DPH6: variants seen among roughly 807,000 people sequenced by gnomAD.
DPH6 encodes diphthine--ammonia ligase.
Under a neutral mutation model 38.2 loss-of-function variants are expected in DPH6, and 33 were observed. The ratio of observed to expected loss-of-function variants is 0.86; its 90% CI spans 0.65 to 1.15. The LOEUF (loss-of-function observed/expected upper bound fraction) is 1.15. Among genes scored for constraint, DPH6 ranks in the 50% most tolerant of loss-of-function variants. The probability of loss-of-function intolerance (pLI) is 0.00; values close to 1 mark genes in which losing one functional copy is unlikely to be tolerated. For missense variants in DPH6, 325 were observed against 320.0 expected (o/e 1.02, Z -0.12); for synonymous variants, 108 against 103.0 (o/e 1.05, Z -0.30).
intron 3 of DPH6, among the ~76,000 whole-genome samples, chr15:35,515,523 C>A (rs959808042): frequency 6.6e-6 from 1 of 151,922 alleles, no homozygotes; most frequent in East Asian, 1.9e-4. Flanking sequence ...AGATCAAGAC[C>A]ATCATGGCTA....
At chr15:35,375,542 T>G (rs891010593) in intron 7 of DPH6, among the ~76,000 whole-genome samples, 2 of 152,122 alleles carry the variant, frequency 1.3e-5, no homozygotes, top group African/African-American at 2.4e-5. Flanking sequence ...TGTCAGAATA[T>G]CCTCAGATTA....
intron 3 of DPH6, among the ~76,000 whole-genome samples, chr15:35,222,680 G>C (rs1337102844): frequency 6.6e-6 from 1 of 152,098 alleles, no homozygotes; most frequent in African/African-American, 2.4e-5. Flanking sequence ...CAGTGAATCT[G>C]CATTTTTACA....
At chr15:35,460,731 G>A (rs1048729854) in intron 3 of DPH6, among the ~76,000 whole-genome samples, 8 of 152,106 alleles carry the variant, frequency 5.3e-5, no homozygotes, top group Admixed American at 5.2e-4. Context: ...TAGACAAGCA[G>A]GCATCACAGG....
intron 3 of DPH6, chr15:35,298,720 C>G: frequency 7.6e-6 from 12 of 1,581,832 alleles, no homozygotes; most frequent in Non-Finnish European, 9.5e-6. Context: ...AGCCGTACTT[C>G]TGTATGATCT....
chr15:35,237,521 C>G, intron 3 of DPH6: 1 of 1,557,286 alleles, frequency 6.4e-7, no homozygotes, highest in African/African-American at 1.4e-5. Flanking sequence ...GTTAAACAAA[C>G]TTAAGAAGCT....
At chr15:35,423,635 T>C (rs1456009622) in intron 5 of DPH6, among the ~76,000 whole-genome samples, 1 of 151,786 alleles carries the variant, frequency 6.6e-6, no homozygotes, top group Non-Finnish European at 1.5e-5. Context: ...TGACAAGATT[T>C]TTTCCTTTGT....
chr15:35,496,066 G>A (rs1387077730), intron 3 of DPH6, among the ~76,000 whole-genome samples: 1 of 152,100 alleles, frequency 6.6e-6, no homozygotes, highest in Non-Finnish European at 1.5e-5. Flanking sequence ...TATCAAATGT[G>A]TAAGTAAACA....
intron 3 of DPH6, chr15:35,237,832 G>A: frequency 6.7e-7 from 1 of 1,492,004 alleles, no homozygotes; most frequent in Non-Finnish European, 9.2e-7. Flanking sequence ...GCCTGGAGGA[G>A]GAGGAGGAGG....
chr15:35,222,189 C>T (rs965959363), intron 3 of DPH6, among the ~76,000 whole-genome samples: 2 of 152,294 alleles, frequency 1.3e-5, no homozygotes, highest in Non-Finnish European at 2.9e-5. Flanking sequence ...CATGTAGAAA[C>T]AATTCAGCAG....
downstream of DPH6, among the ~76,000 whole-genome samples, chr15:35,326,440 AT>A (rs11440125): frequency 5.3e-5 from 8 of 150,444 alleles, no homozygotes; most frequent in South Asian, 2.1e-4. Flanking sequence ...TTTAAAAAGA[AT>A]TTTTTTTTTA....
chr15:35,470,295 C>T (rs887996322), intron 3 of DPH6, among the ~76,000 whole-genome samples: 5 of 152,016 alleles, frequency 3.3e-5, no homozygotes, highest in East Asian at 1.9e-4. Context: ...CTATCACAGA[C>T]GCCAAGGTCA....
chr15:35,213,878 C>T (rs113716313), downstream of DPH6, among the ~76,000 whole-genome samples: 5,057 of 152,152 alleles, frequency 0.033, 286 homozygotes, highest in African/African-American at 0.12. Context: ...TTTGGGAGGC[C>T]GAGGCGGGTG....
At chr15:35,265,903 A>G (rs1267618514) in intron 3 of DPH6, among the ~76,000 whole-genome samples, 2 of 152,178 alleles carry the variant, frequency 1.3e-5, no homozygotes, top group East Asian at 3.8e-4. Context: ...CAAAACACCT[A>G]AATTGCTTTG....
chr15:35,156,034 C>T, the DPH6 span, among the ~76,000 whole-genome samples: 2 of 152,114 alleles, frequency 1.3e-5, no homozygotes, highest in South Asian at 4.1e-4. Context: ...TGATGAAATT[C>T]ACATTTGAGA....
intron 3 of DPH6, among the ~76,000 whole-genome samples, chr15:35,507,630 G>A (rs1331394913): frequency 6.6e-6 from 1 of 152,008 alleles, no homozygotes; most frequent in Non-Finnish European, 1.5e-5. Flanking sequence ...TGTTAATACA[G>A]TACAATTCTG....
At chr15:35,264,792 G>A (rs1483433186) in intron 3 of DPH6, among the ~76,000 whole-genome samples, 1 of 152,132 alleles carries the variant, frequency 6.6e-6, no homozygotes, top group Non-Finnish European at 1.5e-5. Context: ...ATATGACATA[G>A]AACTATAATT....
chr15:35,289,034 C>T (rs1428471601), intron 3 of DPH6, among the ~76,000 whole-genome samples: 4 of 151,716 alleles, frequency 2.6e-5, no homozygotes, highest in Non-Finnish European at 4.4e-5. Context: ...GTATTTTTAC[C>T]GACTGTTGGA....
intron 3 of DPH6, among the ~76,000 whole-genome samples, chr15:35,350,302 G>C (rs1014918582): frequency 4.3e-5 from 6 of 140,886 alleles, no homozygotes; most frequent in African/African-American, 1.6e-4. Flanking sequence ...TTTCATTTCT[G>C]ATTTTTATTA....
chr15:35,411,830 A>T lies in DPH6; in HGVS notation c.506-934T>A, dbSNP rs190982355. On this transcript the variant is annotated intron_variant, in intron 5 of 8. Coordinates refer to ENST00000256538, the MANE Select transcript of DPH6 (RefSeq NM_080650.4). ...TCCACATGCAAAAAAATGGATCTAG[A>T]CACAGACTTTACACTCTTCACAAAA... Among the ~76,000 whole-genome samples, 51 of 151,868 alleles carry T rather than the reference A, an allele frequency of 3.4e-4. 1 individual carries two copies. Among genetic ancestry groups the T allele is most frequent in the Admixed American group, 2.0e-4 (3 of 15,218 alleles).
Sources: allele counts gnomAD v4.1 joint callset (sites outside exome capture counted in the v4.1 genomes callset), GRCh38; gene constraint gnomAD v4.1.1; transcripts MANE v1.5; gene names NCBI Gene and HGNC (gene_info 2026-07-23, HGNC 2026-07-21).